The following IFT25 variants were observed in gnomAD, a reference collection of about 807,000 sequenced individuals.
The protein encoded by IFT25 is intraflagellar transport 25.
the IFT25 span, among the ~76,000 whole-genome samples, chr1:53,942,097 C>T: frequency 3.3e-5 from 5 of 152,244 alleles, no homozygotes; most frequent in African/African-American, 9.6e-5. Context: ...ATTTTGCAGA[C>T]ACAAAGCTGG....
chr1:53,926,487 ATAT>A, the IFT25 span, among the ~76,000 whole-genome samples: 1 of 152,214 alleles, frequency 6.6e-6, no homozygotes, highest in Non-Finnish European at 1.5e-5. Flanking sequence ...ATAATTCTTT[ATAT>A]AACCATAATA....
chr1:53,923,293 C>A, the IFT25 span, among the ~76,000 whole-genome samples: 3 of 138,808 alleles, frequency 2.2e-5, no homozygotes, highest in Non-Finnish European at 4.5e-5. Flanking sequence ...AAAGCATGAC[C>A]ACCTAATAGA....
the IFT25 span, among the ~76,000 whole-genome samples, chr1:53,945,176 T>C: frequency 1.3e-5 from 2 of 152,196 alleles, no homozygotes; most frequent in East Asian, 3.9e-4. Context: ...CGCCCCAAAT[T>C]ATGTAAAGAA....
chr1:53,925,129 G>T, the IFT25 span, among the ~76,000 whole-genome samples: 1 of 151,774 alleles, frequency 6.6e-6, no homozygotes, highest in Admixed American at 6.6e-5. Flanking sequence ...ATATAGTATG[G>T]TAGGTAAAAT....
the IFT25 span, among the ~76,000 whole-genome samples, chr1:53,913,433 G>A: frequency 6.6e-6 from 1 of 152,138 alleles, no homozygotes; most frequent in Admixed American, 6.5e-5. Context: ...GTCCCCTTCT[G>A]GGTCTTTTCT....
the IFT25 span, among the ~76,000 whole-genome samples, chr1:53,924,296 T>C: frequency 4.6e-5 from 7 of 152,102 alleles, no homozygotes; most frequent in Admixed American, 2.0e-4. Flanking sequence ...AAGTGAACAT[T>C]TGAGGATCCA....
the IFT25 span, among the ~76,000 whole-genome samples, chr1:53,914,575 A>G: frequency 6.6e-6 from 1 of 152,168 alleles, no homozygotes; most frequent in Admixed American, 6.5e-5. Context: ...TTTCTGTCTT[A>G]TAAACATCAT....
chr1:53,921,478 T>C, the IFT25 span: 1 of 557,196 alleles, frequency 1.8e-6, no homozygotes, highest in Non-Finnish European at 3.2e-6. Flanking sequence ...ATTTCCCCCA[T>C]GGTGGCCAGT....
the IFT25 span, among the ~76,000 whole-genome samples, chr1:53,933,096 G>A: frequency 2.7e-5 from 4 of 150,224 alleles, no homozygotes; most frequent in Non-Finnish European, 3.0e-5. Context: ...CTATTATTAG[G>A]TCCATATACA....
At chr1:53,928,283 TCACCAAAG>T in the IFT25 span, 1 of 1,054,614 alleles carries the variant, frequency 9.5e-7, no homozygotes, top group Admixed American at 2.0e-5. Context: ...TCATCTTTTT[TCACCAAAG>T]TGCAGCTAGA....
chr1:53,924,174 G>T, the IFT25 span, among the ~76,000 whole-genome samples: 1 of 151,982 alleles, frequency 6.6e-6, no homozygotes, highest in Non-Finnish European at 1.5e-5. Flanking sequence ...ATAAGCAAAA[G>T]GAAATGCAAA....
At chr1:53,934,718 G>T in the IFT25 span, among the ~76,000 whole-genome samples, 1 of 152,174 alleles carries the variant, frequency 6.6e-6, no homozygotes, top group African/African-American at 2.4e-5. Flanking sequence ...AAGAAACCAG[G>T]CCAGGTGTGT....
chr1:53,928,374 T>C, the IFT25 span: 1 of 1,610,372 alleles, frequency 6.2e-7, no homozygotes, highest in Non-Finnish European at 8.5e-7. Context: ...ACACATACCT[T>C]TTTCAATCCA....
the IFT25 span, among the ~76,000 whole-genome samples, chr1:53,936,035 G>C: frequency 6.6e-6 from 1 of 152,078 alleles, no homozygotes; most frequent in South Asian, 2.1e-4. Flanking sequence ...GCTGAGGCGG[G>C]CTGATTATGA....
chr1:53,920,799 C>T, the IFT25 span, among the ~76,000 whole-genome samples: 7 of 150,574 alleles, frequency 4.6e-5, no homozygotes, highest in African/African-American at 1.7e-4. Flanking sequence ...GGTGACAGGG[C>T]AAGACTTTAT....
the IFT25 span, among the ~76,000 whole-genome samples, chr1:53,917,943 G>A: frequency 4.6e-5 from 7 of 152,184 alleles, no homozygotes; most frequent in African/African-American, 1.7e-4. Context: ...TTTAGAGCAG[G>A]CCCCTTTCCT....
At chr1:53,916,835 TC>T in the IFT25 span, 1 of 396,698 alleles carries the variant, frequency 2.5e-6, no homozygotes. Flanking sequence ...TTCCTACTCT[TC>T]TCCATTTAAA....
the IFT25 span, among the ~76,000 whole-genome samples, chr1:53,928,025 A>G: frequency 6.6e-6 from 1 of 152,212 alleles, no homozygotes; most frequent in Non-Finnish European, 1.5e-5. Context: ...TGATATTTAA[A>G]TAGTACCCTT....
At chr1:53,928,593 C>CA in the IFT25 span, 14 of 568,080 alleles carry the variant, frequency 2.5e-5, no homozygotes, top group Non-Finnish European at 3.7e-5. Context: ...TGTATGTTTC[C>CA]AAAAAACCCT....
Sources: allele counts gnomAD v4.1 joint callset (sites outside exome capture counted in the v4.1 genomes callset), GRCh38; gene constraint gnomAD v4.1.1; transcripts MANE v1.5; gene names NCBI Gene and HGNC (gene_info 2026-07-23, HGNC 2026-07-21).